FBLN7: variants seen among roughly 807,000 people sequenced by gnomAD.
The protein encoded by FBLN7 is fibulin 7.
FBLN7 carries 31 observed loss-of-function variants against 44.0 expected under a neutral mutation model. The observed-to-expected ratio is 0.70, with a 90% confidence interval of 0.53 to 0.95. The LOEUF is 0.95. Among genes scored for constraint, FBLN7 ranks in the 40% least tolerant of loss-of-function variants. The pLI is 0.00. For synonymous variants in FBLN7, 262 were observed against 253.4 expected, an observed-to-expected ratio of 1.03 and a Z score of -0.32; for missense variants, 573 against 618.5, an observed-to-expected ratio of 0.93 and a Z score of 0.78.
At chr2:112,227,081 A>C in the FBLN7 span, among the ~76,000 whole-genome samples, 5 of 152,224 alleles carry the variant, frequency 3.3e-5, no homozygotes, top group African/African-American at 1.2e-4. Flanking sequence ...CTACAGCTAA[A>C]ATCATATGTA....
the FBLN7 span, among the ~76,000 whole-genome samples, chr2:112,231,401 C>T: frequency 6.6e-6 from 1 of 152,118 alleles, no homozygotes; most frequent in African/African-American, 2.4e-5. Flanking sequence ...TTTTCAATAA[C>T]CTTTTCTCAC....
At chr2:112,184,836 T>C (rs892891204) in intron 6 of FBLN7, among the ~76,000 whole-genome samples, 8 of 140,458 alleles carry the variant, frequency 5.7e-5, no homozygotes, top group African/African-American at 2.3e-4. Flanking sequence ...TACATATATA[T>C]ACACACACAC....
intron 6 of FBLN7, among the ~76,000 whole-genome samples, chr2:112,184,951 G>A (rs1683194312): frequency 6.6e-6 from 1 of 151,772 alleles, no homozygotes. Flanking sequence ...CTCACCTGGT[G>A]CTTTCCACCA....
chr2:112,172,479 T>C (rs972949511), intron 3 of FBLN7, among the ~76,000 whole-genome samples: 17 of 152,184 alleles, frequency 1.1e-4, no homozygotes, highest in African/African-American at 3.9e-4. Flanking sequence ...ACTGATGCTA[T>C]TGTGCTACTA....
the FBLN7 span, chr2:112,233,259 T>G: frequency 6.5e-7 from 1 of 1,541,414 alleles, no homozygotes; most frequent in South Asian, 1.2e-5. Context: ...ATAAAGGATA[T>G]TATGCAAATA....
In FBLN7 at chr2:112,175,815, C is replaced by T. The variant is rs149363704; in HGVS notation, c.508C>T (p.Arg170Cys). The change falls in exon 4 of 8, where the codon CGC becomes TGC. Residue 170 changes from arginine (R) to cysteine (C), a missense_variant. By Grantham distance (180) the Arg-to-Cys change is radical. Coordinates refer to ENST00000331203, the MANE Select transcript of FBLN7 (RefSeq NM_153214.3). ...TTGTCCTCCAGGAAGGACTGGGAACCGCTGTCAGCATCAGGCCCAGACTGG... is the reference window on the plus strand; with the variant it reads ...TTGTCCTCCAGGAAGGACTGGGAACTGCTGTCAGCATCAGGCCCAGACTGG... The part of the protein sequence containing the change: ...CICPPGRTGN[R>C]CQHQAQTAAP... 2.5e-5 allele frequency: 41 copies of T among 1,613,962 alleles called. No individual in the cohort carries two copies. Among genetic ancestry groups the T allele is most frequent in the Admixed American group, 6.7e-5 (4 of 59,986 alleles).
At chr2:112,149,577 A>T (rs935106765) in intron 1 of FBLN7, among the ~76,000 whole-genome samples, 1 of 151,416 alleles carries the variant, frequency 6.6e-6, no homozygotes, top group Non-Finnish European at 1.5e-5. Context: ...TGTGCTGGCC[A>T]CTCTCCCCTG....
chr2:112,232,019 TTTTCC>T, the FBLN7 span: 6 of 933,842 alleles, frequency 6.4e-6, no homozygotes, highest in South Asian at 2.3e-5. Context: ...ATGACTTTAT[TTTTCC>T]TAAATAAAGA....
At chr2:112,218,738 C>T in the FBLN7 span, among the ~76,000 whole-genome samples, 4 of 152,222 alleles carry the variant, frequency 2.6e-5, no homozygotes, top group South Asian at 8.3e-4. Context: ...GGTAAGGCTT[C>T]CCATCAACAG....
chr2:112,236,592 A>C, the FBLN7 span: 1 of 1,613,946 alleles, frequency 6.2e-7, no homozygotes, highest in South Asian at 1.1e-5. Context: ...TCCTCAGCAA[A>C]GCATTTGATC....
the FBLN7 span, among the ~76,000 whole-genome samples, chr2:112,200,869 C>T: frequency 9.8e-5 from 15 of 152,304 alleles, no homozygotes; most frequent in South Asian, 2.5e-3. Context: ...TATTTATTCT[C>T]TTTCACTTAA....
At chr2:112,237,618 C>T in the FBLN7 span, among the ~76,000 whole-genome samples, 1 of 151,190 alleles carries the variant, frequency 6.6e-6, no homozygotes, top group Non-Finnish European at 1.5e-5. Context: ...GCTCTGTTGT[C>T]CAGGTTGGAG....
At chr2:112,164,302 G>A (rs1682024849) in intron 2 of FBLN7, among the ~76,000 whole-genome samples, 1 of 152,206 alleles carries the variant, frequency 6.6e-6, no homozygotes, top group Non-Finnish European at 1.5e-5. Context: ...TATTCACTAT[G>A]TGCCAGGCAG....
At chr2:112,213,813 T>G in the FBLN7 span, 2 of 140,368 alleles carry the variant, frequency 1.4e-5, no homozygotes, top group Non-Finnish European at 1.5e-5. Flanking sequence ...AAAAAAAAAT[T>G]TAGTTCTACT....
chr2:112,162,073 A>G (rs372812648), intron 2 of FBLN7, among the ~76,000 whole-genome samples: 3 of 152,130 alleles, frequency 2.0e-5, no homozygotes, highest in African/African-American at 7.2e-5. Flanking sequence ...CAGGCTGGAG[A>G]GCAGTGGAGT....
the FBLN7 span, among the ~76,000 whole-genome samples, chr2:112,221,945 T>C: frequency 0.018 from 2,742 of 152,294 alleles, 25 homozygotes; most frequent in Non-Finnish European, 0.026. Flanking sequence ...CTCTGGCTTT[T>C]TGAGTTGCCA....
chr2:112,156,221 C>T (rs1681415179), intron 1 of FBLN7, among the ~76,000 whole-genome samples: 1 of 152,294 alleles, frequency 6.6e-6, no homozygotes, highest in Non-Finnish European at 1.5e-5. Flanking sequence ...TAAGATCATT[C>T]ACCACACAGG....
the FBLN7 span, among the ~76,000 whole-genome samples, chr2:112,200,288 T>A: frequency 6.6e-6 from 1 of 152,022 alleles, no homozygotes. Context: ...AACAAAGGAG[T>A]ATGGCTTGCC....
At chr2:112,158,553 A>G (rs1018252147) in intron 1 of FBLN7, among the ~76,000 whole-genome samples, 6 of 151,976 alleles carry the variant, frequency 3.9e-5, no homozygotes, top group African/African-American at 1.2e-4. Flanking sequence ...CTCCTGCCTC[A>G]GCCTCCCGAG....
Sources: allele counts gnomAD v4.1 joint callset (sites outside exome capture counted in the v4.1 genomes callset), GRCh38; gene constraint gnomAD v4.1.1; transcripts MANE v1.5; gene names NCBI Gene and HGNC (gene_info 2026-07-23, HGNC 2026-07-21).